The following MAML1 variants were observed in gnomAD, a reference collection of about 807,000 sequenced individuals.
The protein encoded by MAML1 is mastermind like transcriptional coactivator 1, also known as mastermind-like protein 1.
A neutral mutation model predicts 77.1 loss-of-function variants in MAML1; 14 were observed. The ratio of observed to expected loss-of-function variants is 0.18; its 90% CI spans 0.12 to 0.28. MAML1 has a LOEUF of 0.28. Ranked by LOEUF, MAML1 falls within the 10% of genes least tolerant of loss-of-function variation. MAML1 has a pLI of 1.00. For missense variants in MAML1, 1,217 were observed against 1,327.8 expected (o/e 0.92, Z 1.30); for synonymous variants, 516 against 551.9 (o/e 0.93, Z 0.91).
At chr5:179,755,353 C>G (rs1415323063) in intron 1 of MAML1, among the ~76,000 whole-genome samples, 3 of 152,148 alleles carry the variant, frequency 2.0e-5, no homozygotes, top group Non-Finnish European at 4.4e-5. Context: ...TGAACTTTCA[C>G]TGGATACCTG....
In MAML1 at chr5:179,771,281, G is replaced by T; in HGVS notation, c.2068+38G>T. 6.4e-7 allele frequency: 1 copy of T among 1,562,416 alleles called. No homozygotes were observed. ...TGTGTGACGAGCAGGGACAGGGGAG[G>T]CCGCTGCCTGGTGCTGGTTGAATCC... On this transcript the variant is annotated intron_variant, in intron 4 of 4. Coordinates refer to ENST00000292599, the MANE Select transcript of MAML1 (RefSeq NM_014757.5). The surrounding 1 kb of genome is among the most constrained non-coding windows in gnomAD (Gnocchi z 4.7).
rs1756130498 is a variant in MAML1 at position 179,776,158 on chromosome 5, T to G, written c.*1281T>G. On this transcript the variant is annotated 3_prime_UTR_variant, in exon 5 of 5. Transcript: ENST00000292599. ...GCACTTCCCCGTAACGAAAGCAAAGTGGTAAGCACAGGGTGAGACCCTTTT... is the reference window on the plus strand; with the variant it reads ...GCACTTCCCCGTAACGAAAGCAAAGGGGTAAGCACAGGGTGAGACCCTTTT... The G allele has an allele frequency of 1.0e-6, 1 of 985,766 alleles. No individual in the cohort carries two copies. The highest frequency in any genetic ancestry group is 6.1e-5 in the Admixed American group (1 of 16,268). 61.1% of individuals were successfully genotyped at this position (985,766 alleles called of 1,614,324 possible). A position where few individuals can be genotyped will look rare whatever the true frequency, so the allele number is the denominator to read the frequency against.
intron 1 of MAML1, among the ~76,000 whole-genome samples, chr5:179,757,926 A>G (rs1779653257): frequency 6.6e-6 from 1 of 152,258 alleles, no homozygotes. Context: ...TTCCATCGAA[A>G]AAGGTGATGG....
chr5:179,761,418 T>C (rs554209756), intron 1 of MAML1, among the ~76,000 whole-genome samples: 26 of 151,196 alleles, frequency 1.7e-4, no homozygotes, highest in African/African-American at 6.3e-4. Context: ...AATAAAGGGC[T>C]GGGTGAGGTG....
At chr5:179,763,081 A>G (rs2113371180) in intron 1 of MAML1, among the ~76,000 whole-genome samples, 1 of 152,294 alleles carries the variant, frequency 6.6e-6, no homozygotes, top group African/African-American at 2.4e-5. Flanking sequence ...TTAGATTTCC[A>G]TCTTTCTTTT....
chr5:179,765,114 G>C (rs1197944723), intron 1 of MAML1, among the ~76,000 whole-genome samples: 1 of 151,918 alleles, frequency 6.6e-6, no homozygotes. Context: ...GCAGAAAGAG[G>C]ACTGCAGAAG....
Position 179,765,642 on chromosome 5 carries a change from G to C in MAML1, c.632G>C (p.Ser211Thr). The C allele has an allele frequency of 6.2e-7, 1 of 1,614,188 alleles. No individual in the cohort carries two copies. Among genetic ancestry groups the C allele is most frequent in the South Asian group, 1.1e-5 (1 of 91,072 alleles). Residue 211 changes from serine (S) to threonine (T), a missense_variant, in exon 2 of 5, where the codon AGC becomes ACC. Ser to Thr is a moderately conservative substitution (Grantham distance 58). Coordinates refer to ENST00000292599, the MANE Select transcript of MAML1 (RefSeq NM_014757.5). Reference sequence around the variant, plus strand: ...AACCCCAGTGAGTCATTTCCTCTGAGCCTGAATAAAGAACTGAAGCAGGAG... The same window carrying C: ...AACCCCAGTGAGTCATTTCCTCTGACCCTGAATAAAGAACTGAAGCAGGAG... The part of the protein sequence containing the change: ...GSNPSESFPL[S>T]LNKELKQEPV...
chr5:179,774,134 C>G lies in MAML1; in HGVS notation c.2308C>G (p.Pro770Ala), dbSNP rs781065993. The G allele has an allele frequency of 6.2e-7, 1 of 1,613,406 alleles. No homozygotes were observed. Among genetic ancestry groups the G allele is most frequent in the East Asian group, 2.2e-5 (1 of 44,898 alleles). The change falls in exon 5 of 5, where the codon CCC becomes GCC. Residue 770 changes from proline (P) to alanine (A), a missense_variant. Around this residue, in one of 3 missense-constraint regions of MAML1, gnomAD observed 884 missense variants for 949.3 expected, o/e 0.93. Coordinates refer to ENST00000292599, the MANE Select transcript of MAML1 (RefSeq NM_014757.5). ...ASGITQIVAQ[P>A]PPQATNGHAH... ...TGGCATAACCCAGATAGTTGCCCAG[C>G]CCCCGCCACAGGCCACCAATGGACA...
At position 179,765,862 on chromosome 5, in the gene MAML1, T is replaced by A. The variant is rs1208367139; in HGVS notation, c.852T>A (p.Ser284=). Residue 284 remains serine, a synonymous_variant, in exon 2 of 5, where the codon TCT becomes TCA. Coordinates refer to ENST00000292599, the MANE Select transcript of MAML1 (RefSeq NM_014757.5). ...AGGAGAAGAAGGACCCAGAGTCTTC[T>A]GGCTCTGCCACACAAACCCCCTTGG... ...DFEEKKDPES[S]GSATQTPLAQ... is the part of the protein sequence containing the mutation. The A allele has an allele frequency of 6.2e-7, 1 of 1,614,178 alleles. No individual in the cohort carries two copies. The highest frequency in any genetic ancestry group is 2.2e-5 in the East Asian group (1 of 44,876).
intron 1 of MAML1, among the ~76,000 whole-genome samples, chr5:179,750,130 C>T (rs931492313): frequency 4.6e-5 from 7 of 152,220 alleles, no homozygotes; most frequent in African/African-American, 1.7e-4. Context: ...TAATATTAAT[C>T]ATCTTTGATA....
chr5:179,776,496 C>T lies in MAML1; in HGVS notation c.*1619C>T, dbSNP rs1252487127. On this transcript the variant is annotated 3_prime_UTR_variant, in exon 5 of 5. Coordinates refer to ENST00000292599, the MANE Select transcript of MAML1 (RefSeq NM_014757.5). ...CCCAAGTGGTATGTCGGCCATTTCT[C>T]CTTAAAACACCTTCCCTACCTTTCC... 1 of 985,674 alleles carries T rather than the reference C, an allele frequency of 1.0e-6. No homozygotes were observed. The highest frequency in any genetic ancestry group is 1.7e-5 in the African/African-American group (1 of 57,244). The allele number at this position is 985,674 out of a possible 1,614,324, so 61.1% of individuals were successfully genotyped here. A position where few individuals can be genotyped will look rare whatever the true frequency, so the allele number is the denominator to read the frequency against.
At position 179,750,227 on chromosome 5, in the gene MAML1, GCTCTTAT is replaced by G. The variant is rs1779459791; in HGVS notation, c.316-15095_316-15089del. Among the ~76,000 whole-genome samples the G allele has an allele frequency of 2.0e-5, 3 of 152,340 alleles. No homozygotes were observed. In the South Asian group the frequency reaches 6.2e-4, roughly 32 times the overall value. ...TGATCTTCTGTGGATGTGGCCATGT[GCTCTTAT>G]CTCCTGCGGATTCTTGCTTAGACTT... On this transcript the variant is annotated intron_variant, in intron 1 of 4. Coordinates refer to ENST00000292599, the MANE Select transcript of MAML1 (RefSeq NM_014757.5).
intron 1 of MAML1, among the ~76,000 whole-genome samples, chr5:179,751,723 C>T (rs1022233654): frequency 4.0e-5 from 6 of 151,656 alleles, no homozygotes; most frequent in Non-Finnish European, 7.4e-5. Context: ...AAAAAAATAC[C>T]GATTATGGCC....
intron 1 of MAML1, among the ~76,000 whole-genome samples, chr5:179,737,863 C>CCAAGGAATGAGTCTATTA (rs370398894): frequency 1.3e-5 from 2 of 152,092 alleles, no homozygotes; most frequent in African/African-American, 4.8e-5. Context: ...GTGGCGCGAT[C>CCAAGGAATGAGTCTATTA]GTGGGGCACT....
intron 1 of MAML1, among the ~76,000 whole-genome samples, chr5:179,746,437 A>G (rs1264010497): frequency 6.6e-6 from 1 of 151,660 alleles, no homozygotes; most frequent in African/African-American, 2.4e-5. Context: ...CAGTGGCGTG[A>G]TCTTGGCTCA....
chr5:179,763,967 G>GT (rs1290328993), intron 1 of MAML1, among the ~76,000 whole-genome samples: 1 of 152,190 alleles, frequency 6.6e-6, no homozygotes, highest in African/African-American at 2.4e-5. Flanking sequence ...GGAGCAGCAT[G>GT]TGTTTGGAAG....
At chr5:179,772,816 G>A (rs145608094) in intron 4 of MAML1, among the ~76,000 whole-genome samples, 3 of 152,168 alleles carry the variant, frequency 2.0e-5, no homozygotes, top group African/African-American at 7.2e-5. Context: ...CCTCATCTCC[G>A]TGACTGAACA....
chr5:179,733,369 C>T lies in MAML1; in HGVS notation c.257C>T (p.Ala86Val), dbSNP rs1471066358. The change falls in exon 1 of 5, where the codon GCC becomes GTC. Residue 86 changes from alanine to valine, a missense_variant. Physicochemically the swap from Ala to Val is moderately conservative, Grantham distance 64. Around this residue, in one of 3 missense-constraint regions of MAML1, gnomAD observed 312 missense variants for 331.4 expected, o/e 0.94. Transcript: ENST00000292599. ...QPPAATAPAP[A>V]APAPRLDAAD... ...CCCGCCGCCACGGCCCCGGCGCCCG[C>T]CGCCCCGGCCCCGCGCCTGGACGCC... The T allele has an allele frequency of 5.8e-6, 7 of 1,215,128 alleles. No homozygotes were observed. Among genetic ancestry groups the T allele is most frequent in the Non-Finnish European group, 7.1e-6 (7 of 982,102 alleles). The allele number at this position is 1,215,128 out of a possible 1,614,324, so 75.3% of individuals were successfully genotyped here. A position where few individuals can be genotyped will look rare whatever the true frequency, so the allele number is the denominator to read the frequency against.
rs1756134734 is a variant in MAML1 at position 179,776,412 on chromosome 5, C to T, written c.*1535C>T. On this transcript the variant is annotated 3_prime_UTR_variant, in exon 5 of 5. Coordinates refer to ENST00000292599, the MANE Select transcript of MAML1 (RefSeq NM_014757.5). ...TGGTAGTTATTTTGCACCAGCAGTG[C>T]CTTTCTCACTGGGGGTACTTGGACC... 7.1e-6 allele frequency: 7 copies of T among 985,772 alleles called. No homozygotes were observed. Among genetic ancestry groups the T allele is most frequent in the Non-Finnish European group, 8.4e-6 (7 of 829,946 alleles). 61.1% of individuals were successfully genotyped at this position (985,772 alleles called of 1,614,324 possible).
Sources: gnomAD v4.1 joint callset for allele counts (sites outside exome capture counted in the v4.1 genomes callset) on GRCh38, gnomAD v4.1.1 for gene constraint, gnomAD v4.1.1 regional missense constraint, Gnocchi (gnomAD v3.1) non-coding constraint, MANE v1.5 for transcripts, NCBI Gene and HGNC (gene_info 2026-07-23, HGNC 2026-07-21) for gene names.